KIAA0753: variants seen among roughly 807,000 people sequenced by gnomAD.
The protein encoded by KIAA0753 is protein moonraker.
KIAA0753 carries 114 observed loss-of-function variants against 116.9 expected under a neutral mutation model. That is an observed-to-expected ratio of 0.98 (90% CI 0.84 to 1.14). The LOEUF (loss-of-function observed/expected upper bound fraction) is 1.14, where lower values mean the gene tolerates loss of function less well. KIAA0753 is among the 50% of genes most tolerant of loss of function. The pLI is 0.00. For missense variants in KIAA0753, 1,156 were observed against 1,172.4 expected (o/e 0.99, Z 0.20); for synonymous variants, 405 against 413.1 (o/e 0.98, Z 0.24).
intron 7 of KIAA0753, among the ~76,000 whole-genome samples, chr17:6,620,418 A>T (rs1662521445): frequency 8.3e-6 from 1 of 121,058 alleles, no homozygotes; most frequent in South Asian, 2.7e-4. Flanking sequence ...GGAAAAAAAA[A>T]TACATATATA....
At chr17:6,618,485 G>C (rs1971083238) in intron 7 of KIAA0753, among the ~76,000 whole-genome samples, 1 of 152,102 alleles carries the variant, frequency 6.6e-6, no homozygotes, top group Admixed American at 6.5e-5. Context: ...CTTAACCCGT[G>C]GTATCTGACT....
At chr17:6,581,851 C>G (rs573743237) in intron 18 of KIAA0753, among the ~76,000 whole-genome samples, 1 of 152,242 alleles carries the variant, frequency 6.6e-6, no homozygotes, top group Non-Finnish European at 1.5e-5. Context: ...TTGAGCACTT[C>G]CTTTCTAGCA....
In KIAA0753 at chr17:6,622,978, C is replaced by T. The variant is rs762529306; in HGVS notation, c.1008G>A (p.Leu336=). ...EHPLPARCKE[L]GSLIRQLSLC... ...GTGAAAGCTGGCGAATAAGGCTGCC[C>T]AGTTCCTTACACCGAGCAGGAAGTG... Residue 336 remains leucine (L), a synonymous_variant, in exon 6 of 19, where the codon CTG becomes CTA. Transcript: ENST00000361413. The T allele has an allele frequency of 1.9e-6, 3 of 1,614,180 alleles. No individual in the cohort carries two copies. The South Asian group carries it at 3.3e-5, about 18-fold the overall frequency.
chr17:6,594,906 A>T lies in KIAA0753; in HGVS notation c.2440+66T>A. 5.5e-6 allele frequency: 7 copies of T among 1,282,786 alleles called. No homozygotes were observed. In the Admixed American group the frequency reaches 5.8e-5, roughly 11 times the overall value. 79.5% of individuals were successfully genotyped at this position (1,282,786 alleles called of 1,614,324 possible). ...GCAGTGTTTACTATACAATTTTTTC[A>T]ATTTTCTGTATGTTTGAAATTCTTC... On this transcript the variant is annotated intron_variant, in intron 16 of 18. Transcript: ENST00000361413.
chr17:6,591,889 C>G (rs953142433), intron 16 of KIAA0753, among the ~76,000 whole-genome samples: 3 of 152,254 alleles, frequency 2.0e-5, no homozygotes, highest in African/African-American at 7.2e-5. Context: ...CAGTGAGGAA[C>G]ACACAATGAC....
At chr17:6,632,319 A>C (rs1972064460) in intron 2 of KIAA0753, among the ~76,000 whole-genome samples, 1 of 152,238 alleles carries the variant, frequency 6.6e-6, no homozygotes, top group African/African-American at 2.4e-5. Context: ...TTGAACATCA[A>C]AATAAATATC....
At chr17:6,594,943 T>C in intron 16 of KIAA0753, 29 bp downstream of exon 16, 3 of 1,548,710 alleles carry the variant, frequency 1.9e-6, no homozygotes, top group South Asian at 2.3e-5. Flanking sequence ...GAATAAAATG[T>C]TAGGGGAAAA....
Position 6,579,970 on chromosome 17 carries a change from G to A in KIAA0753, c.2787-106C>T, listed in dbSNP as rs555497835. The A allele has an allele frequency of 1.3e-3, 1,002 of 764,102 alleles. 1 individual carries two copies. The highest frequency in any genetic ancestry group is 2.0e-3 in the Non-Finnish European group (888 of 445,526). The allele number at this position is 764,102 out of a possible 1,614,324, so 47.3% of individuals were successfully genotyped here. ...GGCCAAGATGGACAGATCACCTGAG[G>A]TCAGGAGTTTGAGACCAGCCTGGCC... On this transcript the variant is annotated intron_variant, in intron 18 of 18. Coordinates refer to ENST00000361413, the MANE Select transcript of KIAA0753 (RefSeq NM_014804.3).
intron 5 of KIAA0753, 34 bp from the exon 6 acceptor site, chr17:6,623,131 A>G (rs938119856): frequency 1.0e-5 from 16 of 1,565,746 alleles, no homozygotes; most frequent in Non-Finnish European, 1.4e-5. Context: ...AGTTATTTCC[A>G]TACTCAGAAC....
intron 18 of KIAA0753, among the ~76,000 whole-genome samples, chr17:6,586,439 TCATTAGG>T (rs1440343665): frequency 6.6e-6 from 1 of 152,226 alleles, no homozygotes; most frequent in Non-Finnish European, 1.5e-5. Context: ...GCCTTCATCC[TCATTAGG>T]CACTTAGCTT....
chr17:6,594,813 A>G (rs1969347746), intron 16 of KIAA0753, among the ~76,000 whole-genome samples, 159 bp downstream of exon 16: 1 of 152,248 alleles, frequency 6.6e-6, no homozygotes, highest in African/African-American at 2.4e-5. Context: ...ATGGATGGAT[A>G]GAGGGATAAA....
chr17:6,610,230 A>G (rs1370439632), intron 8 of KIAA0753, 70 bp from the exon 9 acceptor site: 1 of 1,512,458 alleles, frequency 6.6e-7, no homozygotes, highest in African/African-American at 1.4e-5. Context: ...CCTCTGACTC[A>G]CTGAAGCTCC....
intron 12 of KIAA0753, among the ~76,000 whole-genome samples, chr17:6,602,692 T>G (rs1969953945): frequency 6.6e-6 from 1 of 152,208 alleles, no homozygotes; most frequent in African/African-American, 2.4e-5. Flanking sequence ...TTGATTAGCG[T>G]TTTGGTTACC....
At chr17:6,593,169 A>T (rs1441171161) in intron 16 of KIAA0753, among the ~76,000 whole-genome samples, 2 of 152,262 alleles carry the variant, frequency 1.3e-5, no homozygotes, top group Non-Finnish European at 2.9e-5. Context: ...TCAAAAAGAC[A>T]AGCAACCCCA....
At chr17:6,602,708 A>G (rs1015411227) in intron 12 of KIAA0753, among the ~76,000 whole-genome samples, 7 of 152,178 alleles carry the variant, frequency 4.6e-5, no homozygotes, top group African/African-American at 1.7e-4. Context: ...TTACCCAGGG[A>G]TATGCATTTG....
intron 18 of KIAA0753, among the ~76,000 whole-genome samples, chr17:6,583,124 G>C (rs1389515868): frequency 6.6e-6 from 1 of 152,094 alleles, no homozygotes; most frequent in Non-Finnish European, 1.5e-5. Flanking sequence ...TGCTAATTCA[G>C]CTTTGTTAAG....
intron 18 of KIAA0753, among the ~76,000 whole-genome samples, chr17:6,581,806 A>T (rs946096092): frequency 6.6e-6 from 1 of 152,110 alleles, no homozygotes; most frequent in African/African-American, 2.4e-5. Context: ...CCTCTTGGGA[A>T]CTCCTGTGAA....
At chr17:6,633,340 G>A (rs532527927) in intron 2 of KIAA0753, among the ~76,000 whole-genome samples, 13 of 151,620 alleles carry the variant, frequency 8.6e-5, no homozygotes, top group South Asian at 4.1e-4. Flanking sequence ...TGTACACCAC[G>A]ATAAGATATT....
At chr17:6,628,896 C>A (rs972259326) in intron 2 of KIAA0753, among the ~76,000 whole-genome samples, 155 bp from the exon 3 acceptor site, 6 of 152,216 alleles carry the variant, frequency 3.9e-5, no homozygotes, top group Non-Finnish European at 8.8e-5. Context: ...CACGCTCCTA[C>A]ACCCTTGGGT....
Sources: gnomAD v4.1 joint callset for allele counts (sites outside exome capture counted in the v4.1 genomes callset) on GRCh38, gnomAD v4.1.1 for gene constraint, MANE v1.5 for transcripts, NCBI Gene and HGNC (gene_info 2026-07-23, HGNC 2026-07-21) for gene names.